TMEM117: variants seen among roughly 807,000 people sequenced by gnomAD.
TMEM117 encodes the protein transmembrane protein 117.
Under a neutral mutation model 52.4 loss-of-function variants are expected in TMEM117, and 27 were observed. The observed-to-expected ratio is 0.51, with a 90% confidence interval of 0.38 to 0.71. TMEM117 has a LOEUF of 0.71. Among genes scored for constraint, TMEM117 ranks in the 30% least tolerant of loss-of-function variants. The pLI, the probability that TMEM117 is intolerant of heterozygous loss-of-function variation, is 0.00. For synonymous variants in TMEM117, 215 were observed against 206.3 expected, an observed-to-expected ratio of 1.04 and a Z score of -0.36; for missense variants, 556 against 630.5, an observed-to-expected ratio of 0.88 and a Z score of 1.26.
chr12:43,801,122 A>G, the TMEM117 span, among the ~76,000 whole-genome samples: 1 of 152,242 alleles, frequency 6.6e-6, no homozygotes, highest in Non-Finnish European at 1.5e-5. Context: ...TTCAAGAATA[A>G]AAAATTAAAA....
At chr12:43,849,246 A>G (rs1306840174) in intron 2 of TMEM117, among the ~76,000 whole-genome samples, 3 of 152,228 alleles carry the variant, frequency 2.0e-5, no homozygotes, top group African/African-American at 7.2e-5. Context: ...GAGACAAAAC[A>G]GTAGATACCT....
chr12:44,045,942 T>G (rs1946875226), intron 3 of TMEM117, among the ~76,000 whole-genome samples: 1 of 152,196 alleles, frequency 6.6e-6, no homozygotes, highest in Admixed American at 6.5e-5. Context: ...GGCTTTTGAT[T>G]GATAGAATGG....
At chr12:44,352,182 A>G (rs2138782177) in intron 6 of TMEM117, among the ~76,000 whole-genome samples, 1 of 152,180 alleles carries the variant, frequency 6.6e-6, no homozygotes, top group Non-Finnish European at 1.5e-5. Flanking sequence ...ATTATTAGGC[A>G]TTGCATGCCT....
chr12:44,294,936 TAAATGAAAG>T (rs1188535540), intron 5 of TMEM117, among the ~76,000 whole-genome samples: 1 of 152,182 alleles, frequency 6.6e-6, no homozygotes, highest in East Asian at 1.9e-4. Context: ...TGACTGTAGG[TAAATGAAAG>T]CATTGAAAGT....
chr12:44,105,793 A>G (rs1419848066), intron 3 of TMEM117, among the ~76,000 whole-genome samples: 5 of 152,078 alleles, frequency 3.3e-5, no homozygotes, highest in Non-Finnish European at 5.9e-5. Flanking sequence ...GTTAGGCATC[A>G]TAAAACAGTT....
At chr12:44,249,807 G>A (rs1399676034) in intron 5 of TMEM117, among the ~76,000 whole-genome samples, 1 of 152,044 alleles carries the variant, frequency 6.6e-6, no homozygotes, top group African/African-American at 2.4e-5. Context: ...AACAGAAACT[G>A]GACCCATTCC....
At chr12:43,921,214 C>T (rs1944688214) in intron 2 of TMEM117, among the ~76,000 whole-genome samples, 1 of 152,160 alleles carries the variant, frequency 6.6e-6, no homozygotes, top group Non-Finnish European at 1.5e-5. Flanking sequence ...CGTCTCTAGC[C>T]TAGAAGCTTC....
At chr12:44,240,750 A>G (rs1202747149) in intron 5 of TMEM117, among the ~76,000 whole-genome samples, 4 of 152,194 alleles carry the variant, frequency 2.6e-5, no homozygotes, top group South Asian at 4.1e-4. Context: ...AGAAAAAAAC[A>G]TAATTTATTA....
chr12:43,912,532 T>TATATATATATATATATATATATATAG (rs1565747590), intron 2 of TMEM117, among the ~76,000 whole-genome samples: 1 of 120,454 alleles, frequency 8.3e-6, no homozygotes, highest in Non-Finnish European at 1.9e-5. Flanking sequence ...TATATATATA[T>TATATATATATATATATATATATATAG]ATATGGCAGA....
At chr12:44,048,427 G>T (rs1946914355) in intron 3 of TMEM117, among the ~76,000 whole-genome samples, 1 of 151,680 alleles carries the variant, frequency 6.6e-6, no homozygotes, top group Non-Finnish European at 1.5e-5. Flanking sequence ...GTAAATTTTT[G>T]AGATGGATTT....
At chr12:44,392,853 T>C (rs1342070216), downstream of TMEM117, among the ~76,000 whole-genome samples, 1 of 152,004 alleles carries the variant, frequency 6.6e-6, no homozygotes, top group African/African-American at 2.4e-5. Flanking sequence ...GAAGTGTTAC[T>C]GTGAAAGAAA....
intron 3 of TMEM117, among the ~76,000 whole-genome samples, chr12:44,097,757 C>CTAATGG (rs965832604): frequency 1.0e-5 from 1 of 95,588 alleles, no homozygotes; most frequent in African/African-American, 1.3e-4. Flanking sequence ...GGAGATATAC[C>CTAATGG]TAAATGACGA....
intron 3 of TMEM117, among the ~76,000 whole-genome samples, chr12:43,976,597 T>A (rs1176209427): frequency 2.0e-5 from 3 of 152,184 alleles, no homozygotes; most frequent in Non-Finnish European, 2.9e-5. Flanking sequence ...ATTCCCTTAT[T>A]ATCTGCCCTC....
Position 43,967,688 on chromosome 12 carries a change from C to G in TMEM117, c.410+23346C>G, listed in dbSNP as rs150294667. Among the ~76,000 whole-genome samples the G allele has an allele frequency of 7.4e-4, 112 of 152,252 alleles. 1 individual carries two copies. Among genetic ancestry groups the G allele is most frequent in the African/African-American group, 2.6e-3 (108 of 41,558 alleles). ...CCTCAGCCGATGTGGTGATTATAGC[C>G]TTTTGAGAGATCCTCAGCCAGAGGA... On this transcript the variant is annotated intron_variant, in intron 3 of 7. Coordinates refer to ENST00000266534, the MANE Select transcript of TMEM117 (RefSeq NM_032256.3).
chr12:44,183,383 C>A (rs1473784536), intron 4 of TMEM117, among the ~76,000 whole-genome samples: 2 of 152,266 alleles, frequency 1.3e-5, no homozygotes, highest in Middle Eastern at 3.4e-3. Flanking sequence ...AGAATACTTA[C>A]ATTTTTAGGT....
chr12:43,968,562 T>A (rs1945522580), intron 3 of TMEM117, among the ~76,000 whole-genome samples: 2 of 152,220 alleles, frequency 1.3e-5, no homozygotes, highest in African/African-American at 4.8e-5. Flanking sequence ...GTTCTGTGAT[T>A]TGTTGTCTAT....
chr12:43,906,491 G>T (rs533241033), intron 2 of TMEM117, among the ~76,000 whole-genome samples: 1 of 151,986 alleles, frequency 6.6e-6, no homozygotes, highest in South Asian at 2.1e-4. Flanking sequence ...CGGGGGAGGA[G>T]CCAAGATGGC....
At chr12:44,305,061 A>G (rs1950887796) in intron 6 of TMEM117, among the ~76,000 whole-genome samples, 2 of 152,122 alleles carry the variant, frequency 1.3e-5, no homozygotes, top group South Asian at 2.1e-4. Context: ...ATCTGGACTC[A>G]TCCTGGGCCA....
intron 3 of TMEM117, among the ~76,000 whole-genome samples, chr12:44,003,844 G>A (rs149285451): frequency 2.6e-5 from 4 of 152,084 alleles, no homozygotes; most frequent in African/African-American, 2.4e-5. Context: ...CTCTTTTTCT[G>A]TGATGGCAAG....
Sources: gnomAD v4.1 joint callset for allele counts (sites outside exome capture counted in the v4.1 genomes callset) on GRCh38, gnomAD v4.1.1 for gene constraint, MANE v1.5 for transcripts, NCBI Gene and HGNC (gene_info 2026-07-23, HGNC 2026-07-21) for gene names.